The following BROX variants were observed in gnomAD, a reference collection of about 807,000 sequenced individuals.
BROX encodes the protein BRO1 domain-containing protein BROX.
Under a neutral mutation model 61.0 loss-of-function variants are expected in BROX, and 53 were observed. The ratio of observed to expected loss-of-function variants is 0.87; its 90% CI spans 0.70 to 1.09. The LOEUF is 1.09. Ranked by LOEUF, BROX falls within the 50% of genes least tolerant of loss-of-function variation. BROX has a pLI of 0.00. For synonymous variants in BROX, 152 were observed against 160.2 expected, an observed-to-expected ratio of 0.95 and a Z score of 0.38; for missense variants, 489 against 472.0, an observed-to-expected ratio of 1.04 and a Z score of -0.33.
rs1394027977 is a variant in BROX, at chr1:222,723,142, C to CTTT, written c.401+629_401+630insTTT. Among the ~76,000 whole-genome samples the CTTT allele has an allele frequency of 2.2e-4, 34 of 152,290 alleles. No homozygotes were observed. In the South Asian group the frequency reaches 7.0e-3, roughly 32 times the overall value. Reference sequence around the variant, plus strand: ...ATTGTATGTGCTGATGTAAAATTATCTCTAAAGTAAATTAGGTGATTAAAA... The same window carrying CTTT: ...ATTGTATGTGCTGATGTAAAATTATCTTTTCTAAAGTAAATTAGGTGATTAAAA... On this transcript the variant is annotated intron_variant, in intron 5 of 12. Transcript: ENST00000340934.
At chr1:222,718,813 G>A (rs1271732531) in intron 2 of BROX, 112 bp from the exon 3 acceptor site, 18 of 773,790 alleles carry the variant, frequency 2.3e-5, no homozygotes, top group African/African-American at 7.1e-5. Flanking sequence ...AACCTGGTGC[G>A]TGTGTGTATG....
chr1:222,714,346 G>GCGAC (rs1656373792), intron 1 of BROX, among the ~76,000 whole-genome samples: 1 of 151,514 alleles, frequency 6.6e-6, no homozygotes, highest in African/African-American at 2.4e-5. Flanking sequence ...GGGACTACAG[G>GCGAC]CGACCGCCAC....
chr1:222,731,481 G>A lies in BROX; in HGVS notation c.1114G>A (p.Ala372Thr). The A allele has an allele frequency of 6.3e-7, 1 of 1,599,768 alleles. No individual in the cohort carries two copies. The highest frequency in any genetic ancestry group is 8.5e-7 in the Non-Finnish European group (1 of 1,176,016). ...TCAGTGGACACCAGAAACATTGGCTGCATTTGATCTCACCAAAAGACCCAA... is the reference window on the plus strand; with the variant it reads ...TCAGTGGACACCAGAAACATTGGCTACATTTGATCTCACCAAAAGACCCAA... ...SVQWTPETLAAFDLTKRPKDD... is the reference protein window; with the variant it reads ...SVQWTPETLATFDLTKRPKDD... Residue 372 changes from alanine to threonine, a missense_variant, in exon 12 of 13, where the codon GCA becomes ACA. Physicochemically the swap from Ala to Thr is moderately conservative, Grantham distance 58. Coordinates refer to ENST00000340934, the MANE Select transcript of BROX (RefSeq NM_144695.4).
At chr1:222,714,068 C>G (rs1416895454) in intron 1 of BROX, 1 of 152,128 alleles carries the variant, frequency 6.6e-6, no homozygotes, top group South Asian at 2.1e-4. Flanking sequence ...TTTTTTAGTG[C>G]CTTCAAATTA....
At chr1:222,725,641 G>A in intron 7 of BROX, 86 bp downstream of exon 7, 1 of 1,095,306 alleles carries the variant, frequency 9.1e-7, no homozygotes, top group East Asian at 2.7e-5. Flanking sequence ...TGGGCACTGT[G>A]GCTTATGCAT....
chr1:222,724,107 A>T lies in BROX; in HGVS notation c.417A>T (p.Glu139Asp). 6.2e-7 allele frequency: 1 copy of T among 1,610,506 alleles called. No homozygotes were observed. Among genetic ancestry groups the T allele is most frequent in the Non-Finnish European group, 8.5e-7 (1 of 1,178,434 alleles). The change falls in exon 6 of 13, where the codon GAA becomes GAT. Residue 139 changes from glutamate to aspartate, a missense_variant. Coordinates refer to ENST00000340934, the MANE Select transcript of BROX (RefSeq NM_144695.4). The stretch of plus-strand genomic sequence containing the variant: ...TATCTTTAAGTATAACAGAAGATGA[A>T]GCAAAAGAAGTTCATCGAAGCCTAA... The part of the protein sequence containing the change: ...LAGKENITED[E>D]AKEVHRSLKI...
chr1:222,714,676 G>C (rs79771188), intron 1 of BROX, among the ~76,000 whole-genome samples: 2 of 151,334 alleles, frequency 1.3e-5, no homozygotes, highest in Non-Finnish European at 2.9e-5. Flanking sequence ...TGCAGCCTAC[G>C]TCTCCTGGAC....
At chr1:222,720,393 A>T (rs976684777) in intron 4 of BROX, among the ~76,000 whole-genome samples, 7 of 152,112 alleles carry the variant, frequency 4.6e-5, no homozygotes, top group Admixed American at 2.0e-4. Flanking sequence ...AAATTAAGCA[A>T]TTTTTTTAAT....
At chr1:222,714,538 A>T (rs1656407235) in intron 1 of BROX, among the ~76,000 whole-genome samples, 1 of 139,596 alleles carries the variant, frequency 7.2e-6, no homozygotes. Context: ...TTTTTTTTTT[A>T]AGTTGGCATC....
At chr1:222,722,568 C>A (rs573464063) in intron 5 of BROX, 54 bp downstream of exon 5, 13 of 1,224,814 alleles carry the variant, frequency 1.1e-5, no homozygotes, top group Non-Finnish European at 1.5e-5. Flanking sequence ...AAGTATGTGG[C>A]GCTTCATTAT....
intron 4 of BROX, 72 bp from the exon 5 acceptor site, chr1:222,722,347 G>A: frequency 1.6e-6 from 2 of 1,261,568 alleles, no homozygotes; most frequent in Non-Finnish European, 2.3e-6. Flanking sequence ...TTTTGAGTCG[G>A]ATATCCAGTA....
chr1:222,731,612 T>C (rs1657946715), intron 12 of BROX, 96 bp downstream of exon 12: 3 of 1,306,154 alleles, frequency 2.3e-6, no homozygotes, highest in Admixed American at 5.2e-5. Context: ...TAGATACATA[T>C]CTTTGTCTAA....
At chr1:222,721,713 G>T (rs980763511) in intron 4 of BROX, among the ~76,000 whole-genome samples, 9 of 152,120 alleles carry the variant, frequency 5.9e-5, no homozygotes, top group African/African-American at 1.4e-4. Context: ...ATATACTTGT[G>T]TTCAGGACCT....
chr1:222,731,289 C>T (rs1371385156), intron 11 of BROX, 68 bp from the exon 12 acceptor site: 1 of 1,338,730 alleles, frequency 7.5e-7, no homozygotes, highest in Non-Finnish European at 1.0e-6. Flanking sequence ...CCAAACAGGA[C>T]CTTGAACATA....
chr1:222,724,747 T>G (rs1657375147), intron 6 of BROX, among the ~76,000 whole-genome samples: 1 of 152,098 alleles, frequency 6.6e-6, no homozygotes, highest in Non-Finnish European at 1.5e-5. Flanking sequence ...ATAAGATGCT[T>G]TTATAGTGAT....
chr1:222,713,640 A>C (rs1256098305), intron 1 of BROX: 1 of 161,426 alleles, frequency 6.2e-6, no homozygotes, highest in Non-Finnish European at 1.3e-5. Flanking sequence ...AAGATGGGGC[A>C]GGGGCAGAAA....
intron 6 of BROX, among the ~76,000 whole-genome samples, 179 bp from the exon 7 acceptor site, chr1:222,725,271 C>T (rs369024338): frequency 3.3e-5 from 5 of 152,132 alleles, no homozygotes; most frequent in African/African-American, 9.7e-5. Flanking sequence ...TTTTAGTATA[C>T]AGGAACTTTT....
chr1:222,717,043 A>G (rs1287729007), intron 2 of BROX, among the ~76,000 whole-genome samples: 1 of 152,242 alleles, frequency 6.6e-6, no homozygotes, highest in Non-Finnish European at 1.5e-5. Flanking sequence ...GGAAGAAGCG[A>G]TGACAACAAA....
intron 4 of BROX, among the ~76,000 whole-genome samples, chr1:222,720,440 T>C (rs1398553941): frequency 6.6e-6 from 1 of 152,218 alleles, no homozygotes; most frequent in Non-Finnish European, 1.5e-5. Context: ...CCTCTGTCAT[T>C]ATTTTGACAG....
Sources: gnomAD v4.1 joint callset for allele counts (sites outside exome capture counted in the v4.1 genomes callset) on GRCh38, gnomAD v4.1.1 for gene constraint, MANE v1.5 for transcripts, NCBI Gene and HGNC (gene_info 2026-07-23, HGNC 2026-07-21) for gene names.